The following GRID2 variants were observed in gnomAD, a reference collection of about 807,000 sequenced individuals.
The protein encoded by GRID2 is glutamate ionotropic receptor delta type subunit 2, also known as glutamate receptor ionotropic, delta-2.
A neutral mutation model predicts 114.8 loss-of-function variants in GRID2; 33 were observed. The observed-to-expected ratio is 0.29, with a 90% CI of 0.22 to 0.38. The LOEUF is 0.38. Ranked by LOEUF, GRID2 falls within the 10% of genes least tolerant of loss-of-function variation. The probability of loss-of-function intolerance (pLI) is 1.00; values close to 1 mark genes in which losing one functional copy is unlikely to be tolerated. For synonymous variants in GRID2, 505 were observed against 449.9 expected (o/e 1.12, Z -1.55); for missense variants, 1,184 against 1,257.7 (o/e 0.94, Z 0.89).
intron 2 of GRID2, among the ~76,000 whole-genome samples, chr4:92,940,759 T>G (rs1004737758): frequency 1.7e-4 from 26 of 152,244 alleles, no homozygotes; most frequent in South Asian, 1.7e-3. Flanking sequence ...CCTAATTTAT[T>G]GAGAGTTTTT....
intron 8 of GRID2, among the ~76,000 whole-genome samples, chr4:93,384,585 T>C (rs1295701221): frequency 6.6e-6 from 1 of 152,200 alleles, no homozygotes; most frequent in Non-Finnish European, 1.5e-5. Context: ...AAAGATGATG[T>C]TCTATATTTC....
At chr4:92,722,156 G>T (rs1303338858) in intron 2 of GRID2, among the ~76,000 whole-genome samples, 1 of 152,166 alleles carries the variant, frequency 6.6e-6, no homozygotes, top group Non-Finnish European at 1.5e-5. Flanking sequence ...ATCAGAGGGG[G>T]ACTGGTGGAT....
chr4:92,930,383 C>T (rs1477709849), intron 2 of GRID2, among the ~76,000 whole-genome samples: 1 of 151,096 alleles, frequency 6.6e-6, no homozygotes, highest in African/African-American at 2.4e-5. Flanking sequence ...AAAACATTTG[C>T]TTGTTCAATT....
At chr4:93,499,208 A>G (rs911728447) in intron 12 of GRID2, among the ~76,000 whole-genome samples, 4 of 151,832 alleles carry the variant, frequency 2.6e-5, no homozygotes, top group African/African-American at 9.7e-5. Flanking sequence ...ATTCGAGTCA[A>G]TAAAATATCA....
chr4:93,578,252 A>G (rs1189597017), intron 13 of GRID2, among the ~76,000 whole-genome samples: 1 of 152,104 alleles, frequency 6.6e-6, no homozygotes, highest in East Asian at 1.9e-4. Flanking sequence ...AATTCATCAG[A>G]TGTATATCTT....
intron 7 of GRID2, among the ~76,000 whole-genome samples, chr4:93,225,107 A>C (rs929719406): frequency 2.6e-5 from 4 of 152,228 alleles, no homozygotes; most frequent in African/African-American, 9.6e-5. Flanking sequence ...CACGCCATCC[A>C]CTAAAAAAAT....
At chr4:93,552,827 C>A (rs191277837) in intron 13 of GRID2, among the ~76,000 whole-genome samples, 52 of 149,752 alleles carry the variant, frequency 3.5e-4, no homozygotes, top group Admixed American at 2.1e-3. Flanking sequence ...TGTTCCCCTC[C>A]CTGTGTCCAT....
At chr4:93,498,247 C>T (rs558206874) in intron 12 of GRID2, among the ~76,000 whole-genome samples, 5 of 151,746 alleles carry the variant, frequency 3.3e-5, no homozygotes, top group African/African-American at 4.8e-5. Flanking sequence ...TTTCTGCTTC[C>T]AAGATGGTAC....
At chr4:93,363,840 A>T (rs1762095380) in intron 8 of GRID2, among the ~76,000 whole-genome samples, 1 of 151,020 alleles carries the variant, frequency 6.6e-6, no homozygotes, top group Non-Finnish European at 1.5e-5. Context: ...GTTAATAGAA[A>T]ATATATGTAT....
intron 1 of GRID2, among the ~76,000 whole-genome samples, chr4:92,537,270 A>G (rs988552007): frequency 6.6e-6 from 1 of 152,172 alleles, no homozygotes; most frequent in African/African-American, 2.4e-5. Context: ...TAAGTAATTT[A>G]TATACATACT....
chr4:93,525,341 G>C (rs1472669978), intron 13 of GRID2, among the ~76,000 whole-genome samples: 1 of 152,152 alleles, frequency 6.6e-6, no homozygotes, highest in Non-Finnish European at 1.5e-5. Context: ...GCAGAGCATA[G>C]TATGTGCAAG....
Position 93,104,540 on chromosome 4 carries a change from G to A in GRID2, c.530-6208G>A, listed in dbSNP as rs567444833. 3.3e-5 allele frequency among the ~76,000 whole-genome samples: 5 copies of A among 151,024 alleles called. No individual in the cohort carries two copies. The East Asian group carries it at 7.9e-4, about 24-fold the overall frequency. ...TTCTCATTGTTCAATTCCCACCTATGAGTGAGAACATGCGGTGTTTGGTTT... is the reference window on the plus strand; with the variant it reads ...TTCTCATTGTTCAATTCCCACCTATAAGTGAGAACATGCGGTGTTTGGTTT... On this transcript the variant is annotated intron_variant, in intron 3 of 15. Transcript: ENST00000282020.
intron 1 of GRID2, among the ~76,000 whole-genome samples, chr4:92,435,303 G>A (rs1272966043): frequency 1.3e-5 from 2 of 152,124 alleles, no homozygotes; most frequent in Non-Finnish European, 2.9e-5. Flanking sequence ...AGGAGTTTAT[G>A]ACAGAAAATA....
chr4:93,456,108 A>G (rs1723165021), intron 11 of GRID2, 134 bp downstream of exon 11: 1 of 620,566 alleles, frequency 1.6e-6, no homozygotes, highest in Non-Finnish European at 2.8e-6. Flanking sequence ...AATGCTCAGA[A>G]AAGAACATTT....
Position 92,325,936 on chromosome 4 carries a change from T to A in GRID2, c.88+21192T>A, listed in dbSNP as rs542123335. Among the ~76,000 whole-genome samples the A allele has an allele frequency of 3.3e-5, 5 of 151,920 alleles. No individual in the cohort carries two copies. In the South Asian group the frequency reaches 1.0e-3, roughly 31 times the overall value. ...AAACAATTATCCACATTCCCGGGTC[T>A]ACTCTTTTTCTAAAACTTCTAATAT... On this transcript the variant is annotated intron_variant, in intron 1 of 15. Coordinates refer to ENST00000282020, the MANE Select transcript of GRID2 (RefSeq NM_001510.4).
rs193060084 is a variant in GRID2, at chr4:93,399,913, C to T, written c.1347+4205C>T. On this transcript the variant is annotated intron_variant, in intron 9 of 15. Transcript: ENST00000282020. ...GAAGAAAAGTAGAGAAAAACCAACA[C>T]GAGCATCTACCATTTGATAGGACCT... Among the ~76,000 whole-genome samples, 429 of 152,150 alleles carry T rather than the reference C, an allele frequency of 2.8e-3. 3 individuals carry two copies. Among genetic ancestry groups the T allele is most frequent in the Non-Finnish European group, 4.1e-3 (281 of 67,998 alleles).
intron 1 of GRID2, among the ~76,000 whole-genome samples, chr4:92,416,414 C>A (rs1242058668): frequency 6.6e-6 from 1 of 152,026 alleles, no homozygotes; most frequent in African/African-American, 2.4e-5. Context: ...TTGATTAGGT[C>A]CCCCGAATTT....
At chr4:93,208,894 G>T (rs74956812) in intron 5 of GRID2, among the ~76,000 whole-genome samples, 1 of 151,874 alleles carries the variant, frequency 6.6e-6, no homozygotes, top group African/African-American at 2.4e-5. Context: ...ATAACTAAAC[G>T]TTGGGATAGA....
intron 1 of GRID2, among the ~76,000 whole-genome samples, chr4:92,428,089 C>T (rs1486486443): frequency 1.3e-5 from 2 of 151,812 alleles, no homozygotes; most frequent in South Asian, 2.1e-4. Context: ...GGTGAAATCC[C>T]GTCTCTACTA....
Sources: gnomAD v4.1 joint callset for allele counts (sites outside exome capture counted in the v4.1 genomes callset) on GRCh38, gnomAD v4.1.1 for gene constraint, MANE v1.5 for transcripts, NCBI Gene and HGNC (gene_info 2026-07-23, HGNC 2026-07-21) for gene names.